The following ARHGEF17 variants were observed in gnomAD, a reference collection of about 807,000 sequenced individuals.
ARHGEF17 encodes Rho guanine nucleotide exchange factor 17.
Under a neutral mutation model 174.0 loss-of-function variants are expected in ARHGEF17, and 80 were observed. The ratio of observed to expected loss-of-function variants is 0.46; its 90% CI spans 0.38 to 0.55. ARHGEF17 has a LOEUF of 0.55. Among genes scored for constraint, ARHGEF17 ranks in the 20% least tolerant of loss-of-function variants. The pLI, the probability that ARHGEF17 is intolerant of heterozygous loss-of-function variation, is 0.00. For missense variants in ARHGEF17, 2,886 were observed against 2,839.7 expected (o/e 1.02, Z -0.37); for synonymous variants, 1,311 against 1,189.1 (o/e 1.10, Z -2.11).
At chr11:73,333,178 C>G (rs1865236482) in intron 1 of ARHGEF17, among the ~76,000 whole-genome samples, 1 of 152,152 alleles carries the variant, frequency 6.6e-6, no homozygotes, top group Non-Finnish European at 1.5e-5. Context: ...AATGACAAGA[C>G]TAGAAAGACC....
chr11:73,324,497 G>T (rs1302852672), intron 1 of ARHGEF17, among the ~76,000 whole-genome samples: 2 of 152,230 alleles, frequency 1.3e-5, no homozygotes, highest in Admixed American at 1.3e-4. Flanking sequence ...TGGCAGATGG[G>T]CAAAGGGTGC....
At chr11:73,342,131 C>T (rs1228565983) in intron 1 of ARHGEF17, among the ~76,000 whole-genome samples, 4 of 151,184 alleles carry the variant, frequency 2.6e-5, no homozygotes, top group Non-Finnish European at 5.9e-5. Flanking sequence ...GGAGCACAGT[C>T]TAGGGATGGG....
chr11:73,358,756 G>A (rs992915558), intron 9 of ARHGEF17, among the ~76,000 whole-genome samples: 4 of 151,618 alleles, frequency 2.6e-5, no homozygotes, highest in Non-Finnish European at 4.4e-5. Context: ...GAGCCAACAC[G>A]TCAGCCAGGT....
At chr11:73,347,097 T>C in intron 2 of ARHGEF17, 137 bp downstream of exon 2, 2 of 859,576 alleles carry the variant, frequency 2.3e-6, no homozygotes, top group East Asian at 5.3e-5. Flanking sequence ...CGCCTTTCCA[T>C]GAAGAACCCC....
Position 73,308,995 on chromosome 11 carries a change from G to A in ARHGEF17, c.357G>A (p.Ala119=), listed in dbSNP as rs1265115794. 2.9e-6 allele frequency: 4 copies of A among 1,383,802 alleles called. No homozygotes were observed. In the East Asian group the frequency reaches 1.2e-4, roughly 43 times the overall value. The allele number at this position is 1,383,802 out of a possible 1,614,324, so 85.7% of individuals were successfully genotyped here. The change falls in exon 1 of 21, where the codon GCG becomes GCA. Residue 119 remains alanine, a synonymous_variant. Coordinates refer to ENST00000263674, the MANE Select transcript of ARHGEF17 (RefSeq NM_014786.4). ...CGGAAGAAGCGGCCGAGGGCCCAGC[G>A]CGAGGAGCCTGGCCCAGCGTCACCG... ...AAAEEAAEGP[A]RGAWPSVTEM... is the part of the protein sequence containing the mutation.
At chr11:73,320,492 CAGG>C (rs1489038887) in intron 1 of ARHGEF17, among the ~76,000 whole-genome samples, 1 of 150,912 alleles carries the variant, frequency 6.6e-6, no homozygotes, top group Non-Finnish European at 1.5e-5. Context: ...AAAAAATTAG[CAGG>C]GCGTAGTCCT....
At chr11:73,324,251 C>T (rs1894076) in intron 1 of ARHGEF17, among the ~76,000 whole-genome samples, 45,891 of 146,482 alleles carry the variant, frequency 0.31, 8,911 homozygotes, top group African/African-American at 0.58. Flanking sequence ...CAGTTTGCCC[C>T]GTGACCCAAT....
intron 2 of ARHGEF17, 23 bp from the exon 3 acceptor site, chr11:73,352,807 C>T: frequency 6.2e-7 from 1 of 1,613,160 alleles, no homozygotes; most frequent in African/African-American, 1.3e-5. Context: ...AGGGAGTGTG[C>T]ACCGACCCTG....
intron 1 of ARHGEF17, among the ~76,000 whole-genome samples, chr11:73,314,437 C>T (rs1370085265): frequency 6.6e-6 from 1 of 152,146 alleles, no homozygotes; most frequent in Non-Finnish European, 1.5e-5. Flanking sequence ...AGGCCTGGCT[C>T]AGCCTTTGAC....
intron 20 of ARHGEF17, 35 bp from the exon 21 acceptor site, chr11:73,367,549 C>T (rs768833583): frequency 1.3e-6 from 2 of 1,568,526 alleles, no homozygotes; most frequent in African/African-American, 1.3e-5. Context: ...CCTCCATTCG[C>T]CCCCAAGCTG....
rs1392760014 is a variant in ARHGEF17 at position 73,369,381 on chromosome 11, T to C, written c.*1601T>C. ...ATGCAGAAACATGATTCGTAACTTA[T>C]TTACGTATTAATTGAGAGCTTCTGA... On this transcript the variant is annotated 3_prime_UTR_variant, in exon 21 of 21. Transcript: ENST00000263674. The C allele has an allele frequency of 2.0e-5, 3 of 152,184 alleles. No homozygotes were observed. The highest frequency in any genetic ancestry group is 1.9e-4 in the East Asian group (1 of 5,194). 9.4% of individuals were successfully genotyped at this position (152,184 alleles called of 1,614,324 possible). A position where few individuals can be genotyped will look rare whatever the true frequency, so the allele number is the denominator to read the frequency against.
intron 9 of ARHGEF17, 66 bp downstream of exon 9, chr11:73,357,393 G>A: frequency 1.4e-6 from 2 of 1,446,116 alleles, no homozygotes; most frequent in Non-Finnish European, 1.9e-6. Context: ...TGGAGGGTCT[G>A]AGCTCCAGCC....
At chr11:73,346,565 A>G (rs1865463964) in intron 1 of ARHGEF17, among the ~76,000 whole-genome samples, 1 of 152,210 alleles carries the variant, frequency 6.6e-6, no homozygotes, top group Admixed American at 6.5e-5. Flanking sequence ...GATTTTTTTA[A>G]AGACCCTTTT....
intron 1 of ARHGEF17, among the ~76,000 whole-genome samples, chr11:73,335,473 C>T (rs990133201): frequency 4.6e-5 from 7 of 152,104 alleles, no homozygotes; most frequent in Non-Finnish European, 1.0e-4. Context: ...GAAACTTTTC[C>T]TTCCCAGCCT....
At chr11:73,343,648 T>A (rs118109623) in intron 1 of ARHGEF17, among the ~76,000 whole-genome samples, 1 of 152,152 alleles carries the variant, frequency 6.6e-6, no homozygotes. Flanking sequence ...GCACCCCCAC[T>A]GCCATCCTCT....
chr11:73,326,444 G>A (rs1301611184), intron 1 of ARHGEF17, among the ~76,000 whole-genome samples: 1 of 152,164 alleles, frequency 6.6e-6, no homozygotes, highest in African/African-American at 2.4e-5. Context: ...CCAAGCTCAC[G>A]GCTGTAATCC....
Position 73,310,485 on chromosome 11 carries a change from C to T in ARHGEF17, c.1847C>T (p.Pro616Leu), listed in dbSNP as rs781220764. 19 of 1,613,878 alleles carry T rather than the reference C, an allele frequency of 1.2e-5. No homozygotes were observed. In the Admixed American group the frequency reaches 2.2e-4, roughly 18 times the overall value. ...GAQQDDGSDA[P>L]PGSPDWAGDV... Reference sequence around the variant, plus strand: ...CAACAAGATGATGGAAGCGATGCCCCCCCTGGAAGCCCTGACTGGGCAGGG... The same window carrying T: ...CAACAAGATGATGGAAGCGATGCCCTCCCTGGAAGCCCTGACTGGGCAGGG... Residue 616 changes from proline to leucine, a missense_variant, in exon 1 of 21, where the codon CCC becomes CTC. This residue lies in a region of ARHGEF17 where 1,728 missense variants were observed against 1,461.2 expected (regional missense o/e 1.18). Transcript: ENST00000263674.
At chr11:73,359,630 G>T (rs1358609281) in intron 9 of ARHGEF17, among the ~76,000 whole-genome samples, 1 of 152,340 alleles carries the variant, frequency 6.6e-6, no homozygotes, top group Non-Finnish European at 1.5e-5. Flanking sequence ...TCTGAATCAG[G>T]CCTAGTCCCC....
chr11:73,347,399 A>T (rs1292280345), intron 2 of ARHGEF17, among the ~76,000 whole-genome samples: 2 of 152,204 alleles, frequency 1.3e-5, no homozygotes, highest in Admixed American at 6.5e-5. Flanking sequence ...CCCCTGCCAC[A>T]GGAGCTCACC....
Sources: gnomAD v4.1 joint callset for allele counts (sites outside exome capture counted in the v4.1 genomes callset) on GRCh38, gnomAD v4.1.1 for gene constraint, gnomAD v4.1.1 regional missense constraint, MANE v1.5 for transcripts, NCBI Gene and HGNC (gene_info 2026-07-23, HGNC 2026-07-21) for gene names.